TPX2: variants seen among roughly 807,000 people sequenced by gnomAD.
TPX2 encodes the protein targeting protein for Xklp2.
A neutral mutation model predicts 93.6 loss-of-function variants in TPX2; 21 were observed. The observed-to-expected ratio is 0.22, with a 90% CI of 0.16 to 0.32. The LOEUF is 0.32. Among genes scored for constraint, TPX2 ranks in the 10% least tolerant of loss-of-function variants. TPX2 has a pLI of 1.00. For missense variants in TPX2, 776 were observed against 871.1 expected, an observed-to-expected ratio of 0.89 and a Z score of 1.37; for synonymous variants, 281 against 298.3, an observed-to-expected ratio of 0.94 and a Z score of 0.60.
intron 2 of TPX2, among the ~76,000 whole-genome samples, chr20:31,749,871 T>C (rs1417688930): frequency 6.6e-6 from 1 of 152,154 alleles, no homozygotes; most frequent in East Asian, 1.9e-4. Context: ...ATTAAGTCAA[T>C]GCCCCAGGAA....
intron 13 of TPX2, 88 bp from the exon 14 acceptor site, chr20:31,793,760 A>T (rs553894852): frequency 1.3e-5 from 16 of 1,241,724 alleles, no homozygotes; most frequent in Non-Finnish European, 1.7e-5. Context: ...TTAATGCCAC[A>T]TATTAATATA....
rs958199933 is a variant in TPX2, at chr20:31,784,010, G to A, written c.1413+89G>A. 11 of 1,388,756 alleles carry A rather than the reference G, an allele frequency of 7.9e-6. No individual in the cohort carries two copies. The African/African-American group carries it at 1.6e-4, about 20-fold the overall frequency. 86.0% of individuals were successfully genotyped at this position (1,388,756 alleles called of 1,614,324 possible). On this transcript the variant is annotated intron_variant, in intron 12 of 17. Transcript: ENST00000300403. ...ACACAAAAGTTTGGGTAGATATTATGAGCAGGGCATCATATTAGGAACTGC... is the reference window on the plus strand; with the variant it reads ...ACACAAAAGTTTGGGTAGATATTATAAGCAGGGCATCATATTAGGAACTGC...
intron 4 of TPX2, among the ~76,000 whole-genome samples, chr20:31,763,224 G>A (rs2061901419): frequency 6.6e-6 from 1 of 152,068 alleles, no homozygotes; most frequent in Non-Finnish European, 1.5e-5. Flanking sequence ...TTGTTGCCCA[G>A]GCTGGAGTGC....
At chr20:31,744,666 G>C (rs944168471) in intron 2 of TPX2, among the ~76,000 whole-genome samples, 30 of 152,070 alleles carry the variant, frequency 2.0e-4, no homozygotes, top group Non-Finnish European at 3.5e-4. Flanking sequence ...TCGAGTTGCT[G>C]AAACTACAGG....
At chr20:31,779,085 T>C (rs1371116899) in intron 10 of TPX2, 101 bp downstream of exon 10, 4 of 1,305,318 alleles carry the variant, frequency 3.1e-6, no homozygotes, top group Non-Finnish European at 4.1e-6. Context: ...TCCTAGTTTT[T>C]CAATTAAAGT....
chr20:31,798,061 A>G (rs1231764326), intron 16 of TPX2, among the ~76,000 whole-genome samples: 1 of 152,234 alleles, frequency 6.6e-6, no homozygotes, highest in African/African-American at 2.4e-5. Context: ...AAAAAGGGAA[A>G]AAAAGAATAT....
Position 31,782,380 on chromosome 20 carries a change from A to G in TPX2, c.1186A>G (p.Lys396Glu), listed in dbSNP as rs2062038681. Residue 396 changes from lysine to glutamate, a missense_variant, in exon 11 of 18, where the codon AAA becomes GAA. By Grantham distance (56) the Lys-to-Glu change is moderately conservative. Around this residue, in one of 3 missense-constraint regions of TPX2, gnomAD observed 461 missense variants for 551.2 expected, o/e 0.84. Coordinates refer to ENST00000300403, the MANE Select transcript of TPX2 (RefSeq NM_012112.5). ...AGAGCTGGAGGCTGAGGAGCTCGAG[A>G]AATTGCAACAGTAAGTCCCACTGGC... ...TAELEAEELEKLQQYKFKARE... is the reference protein window; with the variant it reads ...TAELEAEELEELQQYKFKARE... 1 of 1,610,012 alleles carries G rather than the reference A, an allele frequency of 6.2e-7. No individual in the cohort carries two copies. The highest frequency in any genetic ancestry group is 1.7e-5 in the Admixed American group (1 of 58,774).
intron 17 of TPX2, 120 bp from the exon 18 acceptor site, chr20:31,800,850 A>G (rs1388273682): frequency 6.1e-6 from 5 of 824,142 alleles, no homozygotes; most frequent in Non-Finnish European, 4.0e-6. Flanking sequence ...CCACACCTGA[A>G]ACTAGTGACT....
chr20:31,781,104 T>G (rs545841333), intron 10 of TPX2: 20 of 185,336 alleles, frequency 1.1e-4, no homozygotes, highest in Middle Eastern at 5.2e-4. Context: ...TTATATTTTC[T>G]TAGGAGACAG....
At position 31,771,686 on chromosome 20, in the gene TPX2, A is replaced by G. The variant is rs763620535; in HGVS notation, c.608+4A>G. 12 of 1,597,716 alleles carry G rather than the reference A, an allele frequency of 7.5e-6. No individual in the cohort carries two copies. The South Asian group carries it at 9.1e-5, about 12-fold the overall frequency. On this transcript the variant is annotated splice_donor_region_variant and intron_variant, in intron 7 of 17. Transcript: ENST00000300403. ...TGCCTTGTATGCCACCTGCAAAGTA[A>G]GTTTCTTTCCTGAATTTAAACTTTA...
In TPX2 at chr20:31,801,370, T is replaced by G. The variant is rs2062171129; in HGVS notation, c.*290T>G. 1 of 312,132 alleles carries G rather than the reference T, an allele frequency of 3.2e-6. No homozygotes were observed. The highest frequency in any genetic ancestry group is 4.4e-5 in the Admixed American group (1 of 22,520). The allele number at this position is 312,132 out of a possible 1,614,324, so 19.3% of individuals were successfully genotyped here. On this transcript the variant is annotated 3_prime_UTR_variant, in exon 18 of 18. Transcript: ENST00000300403. ...CGGCCTTTTATATGGGTCTTCACTCTGACTAGAATTTAGTCTCTGTGTCAG... is the reference window on the plus strand; with the variant it reads ...CGGCCTTTTATATGGGTCTTCACTCGGACTAGAATTTAGTCTCTGTGTCAG...
chr20:31,758,193 GC>G (rs1250257424), intron 3 of TPX2, among the ~76,000 whole-genome samples: 1 of 147,602 alleles, frequency 6.8e-6, no homozygotes, highest in Non-Finnish European at 1.5e-5. Context: ...TACAATCTCA[GC>G]TCACTGTAAC....
At chr20:31,791,560 A>G (rs1387783764) in intron 12 of TPX2, among the ~76,000 whole-genome samples, 1 of 152,252 alleles carries the variant, frequency 6.6e-6, no homozygotes, top group Middle Eastern at 3.2e-3. Context: ...CTGGGATTAC[A>G]GACATGAGCC....
chr20:31,783,831 C>T lies in TPX2; in HGVS notation c.1323C>T (p.Ile441=). ...TTGATTTGGAAATTGAGAAAAGAAT[C>T]CAGGAGCGAGAATCAAAGAAGAAAA... ...IGFDLEIEKR[I]QERESKKKTE... The change falls in exon 12 of 18, where the codon ATC becomes ATT. Residue 441 remains isoleucine (I), a synonymous_variant. Coordinates refer to ENST00000300403, the MANE Select transcript of TPX2 (RefSeq NM_012112.5). 2 of 1,611,088 alleles carry T rather than the reference C, an allele frequency of 1.2e-6. No homozygotes were observed. Among genetic ancestry groups the T allele is most frequent in the Non-Finnish European group, 1.7e-6 (2 of 1,179,414 alleles).
chr20:31,757,618 A>G (rs2061860317), intron 3 of TPX2, 36 bp downstream of exon 3: 1 of 1,564,354 alleles, frequency 6.4e-7, no homozygotes, highest in Admixed American at 1.7e-5. Flanking sequence ...TTTAAGGATT[A>G]GTGGCTTGCT....
chr20:31,774,518 A>G (rs764711409), intron 7 of TPX2, among the ~76,000 whole-genome samples: 19 of 152,204 alleles, frequency 1.2e-4, no homozygotes, highest in Non-Finnish European at 2.5e-4. Context: ...CCATGTGTCA[A>G]GCACTTCAGA....
Position 31,758,473 on chromosome 20 carries a change from A to G in TPX2, c.106+891A>G, listed in dbSNP as rs113305184. On this transcript the variant is annotated intron_variant, in intron 3 of 17. Coordinates refer to ENST00000300403, the MANE Select transcript of TPX2 (RefSeq NM_012112.5). ...TGCTACTAAGAACCCATTCCCAGAA[A>G]CAGTATTGCTTGGCCAATGGTAAGT... Among the ~76,000 whole-genome samples the G allele has an allele frequency of 5.2e-3, 791 of 152,226 alleles. 5 individuals are homozygous for G. Among genetic ancestry groups the G allele is most frequent in the Non-Finnish European group, 8.9e-3 (602 of 68,014 alleles).
At position 31,793,886 on chromosome 20, in the gene TPX2, G is replaced by A. The variant is rs1241704970; in HGVS notation, c.1548G>A (p.Val516=). 2 of 1,611,914 alleles carry A rather than the reference G, an allele frequency of 1.2e-6. No individual in the cohort carries two copies. Among genetic ancestry groups the A allele is most frequent in the East Asian group, 4.5e-5 (2 of 44,870 alleles). ...DEPVVIKAQP[V]PHYGVPFKPQ... ...CGGTAGTGATAAAAGCTCAACCTGT[G>A]CCACATTATGGGGTGCCTTTTAAGC... is the stretch of plus-strand genomic sequence containing the variant. The change falls in exon 14 of 18, where the codon GTG becomes GTA. Residue 516 remains valine, a synonymous_variant. Coordinates refer to ENST00000300403, the MANE Select transcript of TPX2 (RefSeq NM_012112.5).
At chr20:31,745,625 C>T (rs2061779725) in intron 2 of TPX2, among the ~76,000 whole-genome samples, 3 of 152,168 alleles carry the variant, frequency 2.0e-5, no homozygotes, top group Admixed American at 6.5e-5. Context: ...ATCTAATAAA[C>T]ACTTTTATTA....
Sources: gnomAD v4.1 joint callset for allele counts (sites outside exome capture counted in the v4.1 genomes callset) on GRCh38, gnomAD v4.1.1 for gene constraint, gnomAD v4.1.1 regional missense constraint, MANE v1.5 for transcripts, NCBI Gene and HGNC (gene_info 2026-07-23, HGNC 2026-07-21) for gene names.